Variants in PIAS1 observed in about 807,000 individuals in gnomAD.
PIAS1 encodes the protein E3 SUMO-protein ligase PIAS1.
Under a neutral mutation model 71.3 loss-of-function variants are expected in PIAS1, and 6 were observed. That is an observed-to-expected ratio of 0.08 (90% CI 0.05 to 0.17). PIAS1 has a LOEUF of 0.17. PIAS1 is among the 10% of genes least tolerant of loss of function. PIAS1 has a pLI of 1.00. For missense variants in PIAS1, 555 were observed against 793.6 expected (o/e 0.70, Z 3.61); for synonymous variants, 303 against 292.9 (o/e 1.03, Z -0.35).
chr15:68,116,920 G>A (rs1461879721), intron 2 of PIAS1, among the ~76,000 whole-genome samples: 1 of 152,020 alleles, frequency 6.6e-6, no homozygotes, highest in Non-Finnish European at 1.5e-5. Context: ...CATAAAAATT[G>A]TACATATTTA....
At chr15:68,124,739 T>C (rs547088767) in intron 2 of PIAS1, among the ~76,000 whole-genome samples, 9 of 142,712 alleles carry the variant, frequency 6.3e-5, no homozygotes, top group Non-Finnish European at 1.3e-4. Context: ...AACAAACAAA[T>C]AAACAAAACC....
chr15:68,080,256 C>G (rs1416737685), intron 1 of PIAS1, among the ~76,000 whole-genome samples: 1 of 152,162 alleles, frequency 6.6e-6, no homozygotes, highest in African/African-American at 2.4e-5. Context: ...AAATTAAAGC[C>G]ATGGTGTACC....
chr15:68,179,875 G>T (rs561972185), intron 11 of PIAS1, among the ~76,000 whole-genome samples: 1 of 151,818 alleles, frequency 6.6e-6, no homozygotes, highest in South Asian at 2.1e-4. Context: ...ACCACGCCCG[G>T]CCCTCTTTTG....
chr15:68,155,471 A>T (rs2092882473), intron 7 of PIAS1, among the ~76,000 whole-genome samples: 1 of 151,490 alleles, frequency 6.6e-6, no homozygotes, highest in Non-Finnish European at 1.5e-5. Context: ...AAAAAAAAAA[A>T]ACCAAAAACT....
Position 68,174,387 on chromosome 15 carries a change from T to C in PIAS1, c.1169+495T>C, listed in dbSNP as rs1383725364. On this transcript the variant is annotated intron_variant, in intron 9 of 13. Coordinates refer to ENST00000249636, the MANE Select transcript of PIAS1 (RefSeq NM_016166.3). This position sits in a 1 kb window ranked among gnomAD's most constrained non-coding sequence, Gnocchi z 4.0. ...CCTATAGCATCACAAAACCAATTATTGCTTTTAACACCTCTTTGTTTTATC... is the reference window on the plus strand; with the variant it reads ...CCTATAGCATCACAAAACCAATTATCGCTTTTAACACCTCTTTGTTTTATC... 6.6e-6 allele frequency among the ~76,000 whole-genome samples: 1 copy of C among 152,212 alleles called. No homozygotes were observed. Among genetic ancestry groups the C allele is most frequent in the Non-Finnish European group, 1.5e-5 (1 of 68,048 alleles).
In PIAS1 at chr15:68,190,386, A is replaced by G. The variant is rs563165694; in HGVS notation, c.*2551A>G. On this transcript the variant is annotated 3_prime_UTR_variant, in exon 14 of 14. Coordinates refer to ENST00000249636, the MANE Select transcript of PIAS1 (RefSeq NM_016166.3). The surrounding 1 kb of genome is among the most constrained non-coding windows in gnomAD (Gnocchi z 4.7). The stretch of plus-strand genomic sequence containing the variant: ...TCTGTTGGTCTCATGGTCAATATCA[A>G]TCAGACTTTCATGATCTCTACTAAT... 10 of 152,190 alleles carry G rather than the reference A, an allele frequency of 6.6e-5. No individual in the cohort carries two copies. Among genetic ancestry groups the G allele is most frequent in the Admixed American group, 2.6e-4 (4 of 15,266 alleles). 9.4% of individuals were successfully genotyped at this position (152,190 alleles called of 1,614,324 possible).
At chr15:68,145,014 A>G (rs964968533) in intron 4 of PIAS1, among the ~76,000 whole-genome samples, 7 of 152,070 alleles carry the variant, frequency 4.6e-5, no homozygotes, top group South Asian at 2.1e-4. Context: ...TTAGCATTCT[A>G]TAACAGTGCA....
intron 2 of PIAS1, among the ~76,000 whole-genome samples, chr15:68,125,881 G>A (rs2092646993): frequency 6.6e-6 from 1 of 152,004 alleles, no homozygotes; most frequent in Non-Finnish European, 1.5e-5. Context: ...GTTATTTTTT[G>A]TAGAGACAGG....
intron 2 of PIAS1, among the ~76,000 whole-genome samples, chr15:68,121,614 A>T (rs2092614072): frequency 6.6e-6 from 1 of 151,620 alleles, no homozygotes; most frequent in African/African-American, 2.4e-5. Flanking sequence ...GGTCCTAGGG[A>T]TTCTGTTGTG....
At chr15:68,076,643 G>T (rs972454121) in intron 1 of PIAS1, among the ~76,000 whole-genome samples, 2 of 152,144 alleles carry the variant, frequency 1.3e-5, no homozygotes, top group Non-Finnish European at 2.9e-5. Context: ...TATGCTCAGG[G>T]CCCTAGAGAG....
intron 2 of PIAS1, among the ~76,000 whole-genome samples, chr15:68,097,535 T>C (rs1218057100): frequency 6.6e-6 from 1 of 152,082 alleles, no homozygotes; most frequent in East Asian, 1.9e-4. Flanking sequence ...TCAGTTCAAG[T>C]GATTCTTCTG....
At chr15:68,125,567 T>C (rs1171838778) in intron 2 of PIAS1, among the ~76,000 whole-genome samples, 2 of 152,208 alleles carry the variant, frequency 1.3e-5, no homozygotes, top group Non-Finnish European at 2.9e-5. Context: ...ACCCATACTT[T>C]ATTTGATAAT....
Position 68,176,641 on chromosome 15 carries a change from C to G in PIAS1, c.1468C>G (p.Leu490Val). 6.3e-7 allele frequency: 1 copy of G among 1,585,614 alleles called. No individual in the cohort carries two copies. Among genetic ancestry groups the G allele is most frequent in the Non-Finnish European group, 8.6e-7 (1 of 1,168,952 alleles). ...TCPSLSPTSP[L>V]NNKGILSLPH... The stretch of plus-strand genomic sequence containing the variant: ...TCCTTCCCTATCTCCCACATCACCA[C>G]TAAATAATAAAGGGTAAGTGCTGAG... The change falls in exon 11 of 14, where the codon CTA (leucine) becomes GTA (valine). Residue 490 changes from leucine (L) to valine (V), a missense_variant. This residue lies in a region of PIAS1 where 244 missense variants were observed against 307.5 expected (regional missense o/e 0.79). Coordinates refer to ENST00000249636, the MANE Select transcript of PIAS1 (RefSeq NM_016166.3).
At position 68,191,330 on chromosome 15, in the gene PIAS1, A is replaced by G. The variant is rs1434232231; in HGVS notation, c.*3495A>G. The G allele has an allele frequency of 6.5e-6, 1 of 152,688 alleles. No individual in the cohort carries two copies. The highest frequency in any genetic ancestry group is 1.9e-4 in the East Asian group (1 of 5,202). The allele number at this position is 152,688 out of a possible 1,614,324, so 9.5% of individuals were successfully genotyped here. A position where few individuals can be genotyped will look rare whatever the true frequency, so the allele number is the denominator to read the frequency against. Reference sequence around the variant, plus strand: ...AAAATGGCTTTTAAAAATGTATAGTAGACAATGTCAGTTTGTATAAAAGTA... The same window carrying G: ...AAAATGGCTTTTAAAAATGTATAGTGGACAATGTCAGTTTGTATAAAAGTA... On this transcript the variant is annotated 3_prime_UTR_variant, in exon 14 of 14. Coordinates refer to ENST00000249636, the MANE Select transcript of PIAS1 (RefSeq NM_016166.3).
chr15:68,141,329 TC>T (rs1412058186), intron 2 of PIAS1, among the ~76,000 whole-genome samples: 2 of 152,138 alleles, frequency 1.3e-5, no homozygotes, highest in Non-Finnish European at 2.9e-5. Context: ...CCACCTCTCT[TC>T]CCCTCCCTTC....
At chr15:68,103,386 T>G (rs1017343566) in intron 2 of PIAS1, among the ~76,000 whole-genome samples, 8 of 152,216 alleles carry the variant, frequency 5.3e-5, no homozygotes, top group African/African-American at 1.9e-4. Flanking sequence ...ACTTTGTTCT[T>G]TTGTTTTCAA....
At position 68,132,852 on chromosome 15, in the gene PIAS1, A is replaced by G. The variant is rs1375912324; in HGVS notation, c.470-9094A>G. ...CATTTTTGCTCAGTTTTATCTTTTG[A>G]ATTTGATTTAAACGTAAAAATTAAC... On this transcript the variant is annotated intron_variant, in intron 2 of 13. Coordinates refer to ENST00000249636, the MANE Select transcript of PIAS1 (RefSeq NM_016166.3). Among the ~76,000 whole-genome samples, 9 of 152,278 alleles carry G rather than the reference A, an allele frequency of 5.9e-5. No individual in the cohort carries two copies. The East Asian group carries it at 1.3e-3, about 23-fold the overall frequency.
At chr15:68,148,250 A>C (rs1295116343) in intron 6 of PIAS1, among the ~76,000 whole-genome samples, 2 of 152,108 alleles carry the variant, frequency 1.3e-5, no homozygotes, top group East Asian at 3.9e-4. Flanking sequence ...GGTTCAGAGG[A>C]AACTACCCAC....
chr15:68,143,190 G>A (rs1204479528), intron 4 of PIAS1, among the ~76,000 whole-genome samples: 1 of 152,024 alleles, frequency 6.6e-6, no homozygotes, highest in Non-Finnish European at 1.5e-5. Flanking sequence ...TAAGACAGTT[G>A]TTTTCCTCAG....
Sources: allele counts gnomAD v4.1 joint callset (sites outside exome capture counted in the v4.1 genomes callset), GRCh38; gene constraint gnomAD v4.1.1; regional missense constraint gnomAD v4.1.1; non-coding constraint Gnocchi (gnomAD v3.1); transcripts MANE v1.5; gene names NCBI Gene and HGNC (gene_info 2026-07-23, HGNC 2026-07-21).